The following FADS2 variants were observed in gnomAD, a reference collection of about 807,000 sequenced individuals.
The protein encoded by FADS2 is acyl-CoA 6-desaturase.
A neutral mutation model predicts 61.2 loss-of-function variants in FADS2; 18 were observed. That is an observed-to-expected ratio of 0.29 (90% CI 0.20 to 0.44). The LOEUF (loss-of-function observed/expected upper bound fraction) is 0.44. Ranked by LOEUF, FADS2 falls within the 20% of genes least tolerant of loss-of-function variation. The probability of loss-of-function intolerance (pLI) is 1.00; values close to 1 mark genes in which losing one functional copy is unlikely to be tolerated. For synonymous variants in FADS2, 203 were observed against 223.9 expected, an observed-to-expected ratio of 0.91 and a Z score of 0.83; for missense variants, 322 against 572.7, an observed-to-expected ratio of 0.56 and a Z score of 4.47.
rs763232244 is a variant in FADS2, at chr11:61,828,368, G to C, written c.-23G>C. 13 of 1,550,744 alleles carry C rather than the reference G, an allele frequency of 8.4e-6. No individual in the cohort carries two copies. Among genetic ancestry groups the C allele is most frequent in the Non-Finnish European group, 1.1e-5 (13 of 1,147,978 alleles). Reference sequence around the variant, plus strand: ...CGGCGCGGGGAGGCCGCAGTGCACGGGGCGTCACAGTCGGCAGGCAGCATG... The same window carrying C: ...CGGCGCGGGGAGGCCGCAGTGCACGCGGCGTCACAGTCGGCAGGCAGCATG... On this transcript the variant is annotated 5_prime_UTR_variant, in exon 1 of 12. Transcript: ENST00000278840. This position sits in a 1 kb window ranked among gnomAD's most constrained non-coding sequence, Gnocchi z 6.4.
rs2066987448 is a variant in FADS2 at position 61,816,692 on chromosome 11, C to T, written c.141+266C>T. ...CACCCTGAGCGCTGGGCCACCTCGT[C>T]CCAGGTGAAGTAGCGCGGGGTAGGT... On this transcript the variant is annotated intron_variant, in intron 1 of 11. Transcript: ENST00000257261. This position sits in a 1 kb window ranked among gnomAD's most constrained non-coding sequence, Gnocchi z 7.0. The T allele has an allele frequency of 3.8e-6, 6 of 1,584,516 alleles. No homozygotes were observed. In the Middle Eastern group the frequency reaches 5.0e-4, roughly 131 times the overall value.
At chr11:61,838,141 C>T (rs174579) in intron 2 of FADS2, among the ~76,000 whole-genome samples, 24,127 of 152,138 alleles carry the variant, frequency 0.16, 2,489 homozygotes, top group Admixed American at 0.26. Flanking sequence ...CCATCCCTTT[C>T]CAGGAAGGTG....
intron 1 of FADS2, among the ~76,000 whole-genome samples, chr11:61,829,471 T>G (rs968589363): frequency 1.3e-5 from 2 of 152,182 alleles, no homozygotes; most frequent in African/African-American, 4.8e-5. Flanking sequence ...GCTGCCCACC[T>G]TACCCCCACC....
intron 4 of FADS2, among the ~76,000 whole-genome samples, chr11:61,845,936 A>C (rs987479838): frequency 6.6e-6 from 1 of 152,146 alleles, no homozygotes; most frequent in Middle Eastern, 3.4e-3. Flanking sequence ...GCTTTCCTCC[A>C]TCTGTTTGTT....
At chr11:61,820,841 A>T (rs1421873188) in intron 1 of FADS2, among the ~76,000 whole-genome samples, 1 of 152,180 alleles carries the variant, frequency 6.6e-6, no homozygotes, top group African/African-American at 2.4e-5. Flanking sequence ...CAAAGGTTGC[A>T]GTGAGCCGAG....
chr11:61,846,714 C>T (rs1364960659), intron 4 of FADS2: 2 of 152,114 alleles, frequency 1.3e-5, no homozygotes, highest in African/African-American at 4.8e-5. Flanking sequence ...TGTCGAGGGC[C>T]ATAACTCTGA....
At chr11:61,830,440 AC>A (rs1330240164) in intron 1 of FADS2, among the ~76,000 whole-genome samples, 1 of 152,140 alleles carries the variant, frequency 6.6e-6, no homozygotes, top group African/African-American at 2.4e-5. Flanking sequence ...TGCTTACCTG[AC>A]CTTAACACTG....
upstream of FADS2, among the ~76,000 whole-genome samples, chr11:61,824,502 G>GAAAAAGAAA (rs140558358): frequency 4.6e-5 from 1 of 21,690 alleles, no homozygotes; most frequent in Non-Finnish European, 9.6e-5. Flanking sequence ...AAGAAAGAAA[G>GAAAAAGAAA]GAAAGAAAGA....
At chr11:61,862,700 A>C in intron 7 of FADS2, 2 of 458,364 alleles carry the variant, frequency 4.4e-6, no homozygotes, top group Non-Finnish European at 8.0e-6. Context: ...CCCCTACCCC[A>C]TGGCTGCCCC....
chr11:61,851,829 G>T (rs2067309605), intron 5 of FADS2, among the ~76,000 whole-genome samples: 1 of 152,212 alleles, frequency 6.6e-6, no homozygotes, highest in Non-Finnish European at 1.5e-5. Flanking sequence ...CTCGTTTTCT[G>T]CATTTTGGTC....
intron 1 of FADS2, among the ~76,000 whole-genome samples, chr11:61,819,930 TA>T (rs1031529627): frequency 6.9e-6 from 1 of 145,460 alleles, no homozygotes; most frequent in Middle Eastern, 3.4e-3. Context: ...AACTGTTCTA[TA>T]AAAAGACTAG....
chr11:61,857,113 T>TC (rs769412922), intron 6 of FADS2, 42 bp downstream of exon 6: 15 of 1,523,926 alleles, frequency 9.8e-6, no homozygotes, highest in Middle Eastern at 1.7e-4. Flanking sequence ...GACCCTCCCC[T>TC]CCCCCCAGAG....
In FADS2 at chr11:61,865,619, TC is replaced by T; in HGVS notation, c.1284-17del. 6.2e-7 allele frequency: 1 copy of T among 1,612,106 alleles called. No individual in the cohort carries two copies. Among genetic ancestry groups the T allele is most frequent in the Non-Finnish European group, 8.5e-7 (1 of 1,178,878 alleles). Reference sequence around the variant, plus strand: ...CTCCCGTCCTGGTCCCTGACCCTGGTCCATCCCCAACTTTGCAGGTCCCTGA... The same window carrying T: ...CTCCCGTCCTGGTCCCTGACCCTGGTCATCCCCAACTTTGCAGGTCCCTGA... On this transcript the variant is annotated intron_variant, in intron 11 of 11. Transcript: ENST00000278840. The surrounding 1 kb of genome is among the most constrained non-coding windows in gnomAD (Gnocchi z 4.1).
intron 10 of FADS2, chr11:61,864,025 A>C: frequency 2.0e-6 from 1 of 504,306 alleles, no homozygotes. Flanking sequence ...CATAGTGGTT[A>C]CCACCTCCCT....
intron 7 of FADS2, among the ~76,000 whole-genome samples, chr11:61,859,910 C>T (rs1462245188): frequency 2.6e-5 from 4 of 151,912 alleles, no homozygotes; most frequent in Non-Finnish European, 5.9e-5. Context: ...TGCTTGAACC[C>T]GGGAGGCGGA....
At chr11:61,826,794 C>G (rs72920182), upstream of FADS2, among the ~76,000 whole-genome samples, 2 of 152,150 alleles carry the variant, frequency 1.3e-5, no homozygotes, top group Non-Finnish European at 1.5e-5. Flanking sequence ...ATCTGCCCCC[C>G]CAAGTACAAC....
intron 1 of FADS2, among the ~76,000 whole-genome samples, chr11:61,834,745 T>A (rs1402839521): frequency 6.6e-6 from 1 of 152,144 alleles, no homozygotes; most frequent in Non-Finnish European, 1.5e-5. Flanking sequence ...GACTTCCTGT[T>A]CATTTCTCAA....
At chr11:61,848,091 G>A in intron 4 of FADS2, 68 bp from the exon 5 acceptor site, 1 of 1,606,504 alleles carries the variant, frequency 6.2e-7, no homozygotes, top group Non-Finnish European at 8.5e-7. Flanking sequence ...CCTAAGAAGG[G>A]CCTGTTACAA....
upstream of FADS2, among the ~76,000 whole-genome samples, chr11:61,827,241 GTCTTTA>G (rs2067092809): frequency 6.6e-6 from 1 of 152,152 alleles, no homozygotes; most frequent in Admixed American, 6.5e-5. The surrounding 1 kb of genome is among the most constrained non-coding windows in gnomAD (Gnocchi z 4.5). Context: ...CGATACGGCA[GTCTTTA>G]TTTGCTGGAG....
Sources: gnomAD v4.1 joint callset for allele counts (sites outside exome capture counted in the v4.1 genomes callset) on GRCh38, gnomAD v4.1.1 for gene constraint, Gnocchi (gnomAD v3.1) non-coding constraint, MANE v1.5 for transcripts, NCBI Gene and HGNC (gene_info 2026-07-23, HGNC 2026-07-21) for gene names.